NELL1: variants seen among roughly 807,000 people sequenced by gnomAD.
NELL1 encodes the protein neural EGFL like 1.
Under a neutral mutation model 107.4 loss-of-function variants are expected in NELL1, and 76 were observed. The observed-to-expected ratio is 0.71, with a 90% CI of 0.59 to 0.86. The LOEUF (loss-of-function observed/expected upper bound fraction) is 0.86, where lower values mean the gene tolerates loss of function less well. Ranked by LOEUF, NELL1 falls within the 40% of genes least tolerant of loss-of-function variation. The pLI is 0.00. For missense variants in NELL1, 1,024 were observed against 1,005.5 expected (o/e 1.02, Z -0.25); for synonymous variants, 353 against 341.2 (o/e 1.03, Z -0.38).
At chr11:21,296,641 T>A (rs1319342560) in intron 14 of NELL1, among the ~76,000 whole-genome samples, 1 of 151,962 alleles carries the variant, frequency 6.6e-6, no homozygotes, top group Non-Finnish European at 1.5e-5. Flanking sequence ...GCTGATACTA[T>A]GCAGTTGGAT....
intron 16 of NELL1, among the ~76,000 whole-genome samples, chr11:21,550,441 C>A (rs555653452): frequency 6.6e-6 from 1 of 151,902 alleles, no homozygotes; most frequent in African/African-American, 2.4e-5. Context: ...ATGGTAATAC[C>A]TAGGTTTTCT....
At chr11:20,728,582 ATT>A (rs34838544) in intron 2 of NELL1, among the ~76,000 whole-genome samples, 3 of 144,302 alleles carry the variant, frequency 2.1e-5, no homozygotes, top group South Asian at 2.2e-4. Flanking sequence ...TTCATTGCTT[ATT>A]TTTTTTTTTC....
At chr11:21,448,033 C>T (rs534478890) in intron 15 of NELL1, among the ~76,000 whole-genome samples, 23 of 152,280 alleles carry the variant, frequency 1.5e-4, no homozygotes, top group Admixed American at 2.0e-4. Context: ...TTCTCCCAAA[C>T]GCACAGATTC....
chr11:20,949,093 A>G (rs1851022859), intron 11 of NELL1, among the ~76,000 whole-genome samples: 2 of 152,226 alleles, frequency 1.3e-5, no homozygotes, highest in South Asian at 4.1e-4. Flanking sequence ...AACATAGATC[A>G]TAGGTATATA....
At chr11:21,433,327 C>T (rs537587527) in intron 15 of NELL1, among the ~76,000 whole-genome samples, 7 of 152,116 alleles carry the variant, frequency 4.6e-5, no homozygotes, top group Admixed American at 1.3e-4. Context: ...GTAAATAGTG[C>T]TGCAATAAAC....
At chr11:21,435,489 GT>G (rs1291093674) in intron 15 of NELL1, among the ~76,000 whole-genome samples, 1 of 121,090 alleles carries the variant, frequency 8.3e-6, no homozygotes, top group Non-Finnish European at 1.8e-5. Context: ...ATCGTTTTTT[GT>G]TTTTTGTTTT....
chr11:20,990,969 G>C (rs574436936), intron 12 of NELL1, among the ~76,000 whole-genome samples: 40 of 117,738 alleles, frequency 3.4e-4, no homozygotes, highest in African/African-American at 1.5e-3. Flanking sequence ...TCCACTCCTG[G>C]ATTCCACAGC....
In NELL1 at chr11:20,691,652, T is replaced by G. The variant is rs529389636; in HGVS notation, c.184+13592T>G. On this transcript the variant is annotated intron_variant, in intron 2 of 19. Transcript: ENST00000357134. ...ATGAAGCCAACTTGATCATGGTGGA[T>G]AAGCTTTTTGATGTGCTGCTGGATT... is the stretch of plus-strand genomic sequence containing the variant. 1.7e-4 allele frequency among the ~76,000 whole-genome samples: 26 copies of G among 152,136 alleles called. No individual in the cohort carries two copies. In the East Asian group the frequency reaches 3.7e-3, roughly 21 times the overall value.
At chr11:21,458,768 TA>T (rs1439006330) in intron 15 of NELL1, among the ~76,000 whole-genome samples, 1 of 152,170 alleles carries the variant, frequency 6.6e-6, no homozygotes, top group Non-Finnish European at 1.5e-5. Context: ...ATCGAAGGGT[TA>T]GTTTTAGGTG....
chr11:21,381,903 G>GTTT (rs1303884759), intron 15 of NELL1, among the ~76,000 whole-genome samples: 3 of 101,660 alleles, frequency 3.0e-5, no homozygotes, highest in East Asian at 3.2e-4. Context: ...CCCTGGAAGG[G>GTTT]ATTTTTTTTT....
At chr11:21,411,712 T>A (rs184856415) in intron 15 of NELL1, among the ~76,000 whole-genome samples, 220 of 152,176 alleles carry the variant, frequency 1.4e-3, no homozygotes, top group African/African-American at 1.3e-3. Flanking sequence ...TTACTTTTTT[T>A]AAAAAGACGA....
intron 4 of NELL1, among the ~76,000 whole-genome samples, chr11:20,872,238 A>G (rs1206764622): frequency 2.0e-5 from 3 of 148,714 alleles, no homozygotes; most frequent in Admixed American, 6.8e-5. Context: ...CAGTGGCACA[A>G]TCTGGGCTCA....
chr11:21,017,604 A>G (rs973057469), intron 12 of NELL1, among the ~76,000 whole-genome samples: 1 of 152,128 alleles, frequency 6.6e-6, no homozygotes, highest in African/African-American at 2.4e-5. Flanking sequence ...CTGAAAAACA[A>G]ACATACCTGA....
In NELL1 at chr11:20,911,255, C is replaced by T. The variant is rs115510802; in HGVS notation, c.604-6927C>T. ...AGGTGGGTTATGGGAATGTAGAGGA[C>T]AGAACCAACAGTTATTGAATACTTC... On this transcript the variant is annotated intron_variant, in intron 5 of 19. Coordinates refer to ENST00000357134, the MANE Select transcript of NELL1 (RefSeq NM_006157.5). Among the ~76,000 whole-genome samples the T allele has an allele frequency of 4.8e-3, 728 of 152,280 alleles. 9 individuals are homozygous for T. Among genetic ancestry groups the T allele is most frequent in the African/African-American group, 0.017 (698 of 41,546 alleles).
Position 21,299,511 on chromosome 11 carries a change from ATGTGTGTGTGTG to A in NELL1, c.1549+70099_1549+70110del, listed in dbSNP as rs71063696. On this transcript the variant is annotated intron_variant, in intron 14 of 19. Coordinates refer to ENST00000357134, the MANE Select transcript of NELL1 (RefSeq NM_006157.5). ...AAATTTCAACATTTTATTGTCTTAT[ATGTGTGTGTGTG>A]TGTGTGTGTGTGTGTGTGTGTGTGT... is the stretch of plus-strand genomic sequence containing the variant. Among the ~76,000 whole-genome samples, 1,351 of 136,478 alleles carry A rather than the reference ATGTGTGTGTGTG, an allele frequency of 9.9e-3. 13 individuals carry two copies. The highest frequency in any genetic ancestry group is 0.021 in the African/African-American group (749 of 35,022). The allele number at this position is 136,478 out of a possible 152,430, so 89.5% of individuals were successfully genotyped here.
chr11:21,106,951 G>T (rs951473809), intron 12 of NELL1, among the ~76,000 whole-genome samples: 55 of 152,216 alleles, frequency 3.6e-4, no homozygotes, highest in African/African-American at 1.1e-3. Flanking sequence ...CTGAAAAAGG[G>T]AAGAATAATT....
intron 13 of NELL1, among the ~76,000 whole-genome samples, chr11:21,222,418 G>A (rs1377757058): frequency 2.7e-5 from 4 of 150,204 alleles, no homozygotes; most frequent in Non-Finnish European, 4.4e-5. Context: ...GGATGGTCTC[G>A]ATCTCCTGAC....
At chr11:21,248,216 GC>G (rs1398858825) in intron 14 of NELL1, among the ~76,000 whole-genome samples, 1 of 151,926 alleles carries the variant, frequency 6.6e-6, no homozygotes, top group African/African-American at 2.4e-5. Flanking sequence ...GTGGTGGCAC[GC>G]ACCTTGTGGT....
chr11:20,694,773 G>C (rs1854570285), intron 2 of NELL1, among the ~76,000 whole-genome samples: 1 of 151,924 alleles, frequency 6.6e-6, no homozygotes, highest in African/African-American at 2.4e-5. Flanking sequence ...GGTTATGTCA[G>C]CTCTTTTTTG....
Sources: allele counts gnomAD v4.1 joint callset (sites outside exome capture counted in the v4.1 genomes callset), GRCh38; gene constraint gnomAD v4.1.1; transcripts MANE v1.5; gene names NCBI Gene and HGNC (gene_info 2026-07-23, HGNC 2026-07-21).